DST: variants seen among roughly 807,000 people sequenced by gnomAD.
The protein encoded by DST is dystonin, also known as bullous pemphigoid antigen.
A neutral mutation model predicts 875.2 loss-of-function variants in DST; 253 were observed. The observed-to-expected ratio is 0.29, with a 90% CI of 0.26 to 0.32. The LOEUF is 0.32. Ranked by LOEUF, DST falls within the 10% of genes least tolerant of loss-of-function variation. The pLI, the probability that DST is intolerant of heterozygous loss-of-function variation, is 1.00. For synonymous variants in DST, 3,124 were observed against 3,197.1 expected, an observed-to-expected ratio of 0.98 and a Z score of 0.77; for missense variants, 8,287 against 9,111.6, an observed-to-expected ratio of 0.91 and a Z score of 3.68.
intron 2 of DST, among the ~76,000 whole-genome samples, chr6:56,944,497 G>A (rs1216235987): frequency 6.6e-6 from 1 of 152,058 alleles, no homozygotes; most frequent in Non-Finnish European, 1.5e-5. Flanking sequence ...TGTTGGAGGT[G>A]TATGAGAAAA....
At chr6:56,661,897 A>C (rs1188355960) in intron 10 of DST, among the ~76,000 whole-genome samples, 1 of 151,790 alleles carries the variant, frequency 6.6e-6, no homozygotes, top group East Asian at 1.9e-4. Context: ...CGACCCTCTA[A>C]CTTTTTAAAT....
intron 3 of DST, among the ~76,000 whole-genome samples, chr6:56,887,470 A>T (rs997371572): frequency 6.6e-6 from 1 of 152,188 alleles, no homozygotes; most frequent in Admixed American, 6.5e-5. Flanking sequence ...ATCTTACCAG[A>T]GCAATTTAAG....
At chr6:56,747,089 C>T (rs1272063619) in intron 4 of DST, among the ~76,000 whole-genome samples, 1 of 152,128 alleles carries the variant, frequency 6.6e-6, no homozygotes, top group Non-Finnish European at 1.5e-5. Context: ...GAATCAGTTA[C>T]TGAGAATATA....
chr6:56,839,494 A>G (rs2099797436), intron 4 of DST, among the ~76,000 whole-genome samples: 1 of 152,234 alleles, frequency 6.6e-6, no homozygotes, highest in Non-Finnish European at 1.5e-5. Context: ...CATTTATTAT[A>G]TAACTATTAA....
Position 56,532,401 on chromosome 6 carries a change from T to C in DST, c.17051A>G (p.Lys5684Arg). The C allele has an allele frequency of 6.2e-7, 1 of 1,613,750 alleles. No individual in the cohort carries two copies. Among genetic ancestry groups the C allele is most frequent in the Non-Finnish European group, 8.5e-7 (1 of 1,179,728 alleles). Residue 5684 changes from lysine (K) to arginine (R), a missense_variant, in exon 64 of 104, where the codon AAA becomes AGA. Lys to Arg is a conservative substitution (Grantham distance 26). Around this residue, in one of 10 missense-constraint regions of DST, gnomAD observed 777 missense variants for 764.8 expected, o/e 1.02. Transcript: ENST00000680361. Reference protein sequence around the residue: ...AEPADKVKILKQLSLLDSRWE... With the variant: ...AEPADKVKILRQLSLLDSRWE... ...TCTGCTATCCAAGAGACTGAGCTGT[T>C]TCAAAATCTTCACTTTATCTGCGGG...
At position 56,458,033 on chromosome 6, in the gene DST, C is replaced by A. The variant is rs1470275469; in HGVS notation, c.*972G>T. On this transcript the variant is annotated 3_prime_UTR_variant, in exon 104 of 104. Coordinates refer to ENST00000680361, the MANE Select transcript of DST (RefSeq NM_001374736.1). The stretch of plus-strand genomic sequence containing the variant: ...TGTTTTATTAAATGCATACTAATAT[C>A]TTTCTATAGTATGTGAGTACACATA... 2 of 152,252 alleles carry A rather than the reference C, an allele frequency of 1.3e-5. No individual in the cohort carries two copies. The highest frequency in any genetic ancestry group is 2.9e-5 in the Non-Finnish European group (2 of 67,966). The allele number at this position is 152,252 out of a possible 1,614,324, so 9.4% of individuals were successfully genotyped here. A position where few individuals can be genotyped will look rare whatever the true frequency, so the allele number is the denominator to read the frequency against.
chr6:56,595,779 AC>A (rs559086079), intron 47 of DST, among the ~76,000 whole-genome samples: 1 of 144,526 alleles, frequency 6.9e-6, no homozygotes, highest in Non-Finnish European at 1.5e-5. Flanking sequence ...TTCATATGCT[AC>A]CCCCACCCCA....
intron 3 of DST, among the ~76,000 whole-genome samples, chr6:56,896,528 G>T (rs1188325540): frequency 6.6e-6 from 1 of 152,150 alleles, no homozygotes; most frequent in Non-Finnish European, 1.5e-5. Context: ...TTTATCAGCA[G>T]CATGAAAACA....
intron 9 of DST, among the ~76,000 whole-genome samples, chr6:56,689,171 G>T (rs62412526): frequency 0.19 from 29,301 of 152,064 alleles, 3,085 homozygotes; most frequent in Non-Finnish European, 0.22. Flanking sequence ...AATGTAGTTG[G>T]GGAGTGCTTG....
chr6:56,906,572 T>G (rs948007406), intron 2 of DST, among the ~76,000 whole-genome samples: 8 of 152,260 alleles, frequency 5.3e-5, no homozygotes, highest in African/African-American at 1.9e-4. Flanking sequence ...AGGCCCGCTA[T>G]GTAGACGTCA....
In DST at chr6:56,936,786, AAAC is replaced by A. The variant is rs919928541; in HGVS notation, c.216+16996_216+16998del. On this transcript the variant is annotated intron_variant, in intron 2 of 103. Transcript: ENST00000680361. ...TAAAAAGAGCAGAAGAGAATACCAG[AAAC>A]AACTTTAGGCCAACAAACTAGATAA... Among the ~76,000 whole-genome samples, 51 of 152,308 alleles carry A rather than the reference AAAC, an allele frequency of 3.3e-4. No homozygotes were observed. In the Middle Eastern group the frequency reaches 0.014, roughly 41 times the overall value.
chr6:56,573,639 T>A lies in DST; in HGVS notation c.13236+40A>T, dbSNP rs188449988. 25 of 1,523,142 alleles carry A rather than the reference T, an allele frequency of 1.6e-5. No homozygotes were observed. In the Admixed American group the frequency reaches 2.1e-4, roughly 13 times the overall value. The allele number at this position is 1,523,142 out of a possible 1,614,324, so 94.4% of individuals were successfully genotyped here. Reference sequence around the variant, plus strand: ...CTTTGAGCTTATAAAACTGTTTTTTTAAAAAACTGAAAATGGGACTTTTTT... The same window carrying A: ...CTTTGAGCTTATAAAACTGTTTTTTAAAAAAACTGAAAATGGGACTTTTTT... On this transcript the variant is annotated intron_variant, in intron 51 of 103. Coordinates refer to ENST00000680361, the MANE Select transcript of DST (RefSeq NM_001374736.1).
chr6:56,913,480 G>T (rs533377568), intron 2 of DST, among the ~76,000 whole-genome samples: 1 of 152,170 alleles, frequency 6.6e-6, no homozygotes, highest in African/African-American at 2.4e-5. Context: ...TTGGAACACA[G>T]CCATGTCCAT....
chr6:56,562,117 C>T, intron 56 of DST, 21 bp downstream of exon 56: 3 of 1,462,226 alleles, frequency 2.1e-6, no homozygotes, highest in Non-Finnish European at 2.8e-6. Context: ...TAATCAGTAA[C>T]AAATTAAAAT....
chr6:56,614,859 G>T, intron 36 of DST: 2 of 993,758 alleles, frequency 2.0e-6, no homozygotes, highest in South Asian at 9.2e-5. Context: ...AAGGCTGATA[G>T]AATAGAGAAC....
In DST at chr6:56,606,091, T is replaced by C. The variant is rs1250836287; in HGVS notation, c.8537A>G (p.Glu2846Gly). Residue 2846 changes from glutamate to glycine, a missense_variant, in exon 40 of 104, where the codon GAA becomes GGA. Transcript: ENST00000680361. ...DIQLCASILN[E>G]NSDENENINT... is the part of the protein sequence containing the mutation. ...AATATTTTCATTTTCATCACTGTTT[T>C]CATTTAAAATAGAGGCACACAACTG... The C allele has an allele frequency of 6.2e-7, 1 of 1,612,970 alleles. No homozygotes were observed. The highest frequency in any genetic ancestry group is 1.7e-5 in the Admixed American group (1 of 59,856).
intron 55 of DST, among the ~76,000 whole-genome samples, chr6:56,566,081 T>G (rs6920543): frequency 0.38 from 58,068 of 152,018 alleles, 11,461 homozygotes; most frequent in Admixed American, 0.44. Context: ...GACTGCAGAC[T>G]GCTGTGCTGG....
chr6:56,607,260 G>A lies in DST; in HGVS notation c.7368C>T (p.Thr2456=). Residue 2456 remains threonine (T), a synonymous_variant, in exon 40 of 104, where the codon ACC becomes ACT. Transcript: ENST00000680361. ...CACACTTATTTCCATTGCTCTCTGGGGTGTGTGTATCATTAAAACTTCCCT... is the reference window on the plus strand; with the variant it reads ...CACACTTATTTCCATTGCTCTCTGGAGTGTGTGTATCATTAAAACTTCCCT... ...HSQGSFNDTH[T]PESNGNKCEA... is the part of the protein sequence containing the mutation. The A allele has an allele frequency of 1.2e-6, 2 of 1,613,260 alleles. No individual in the cohort carries two copies. Among genetic ancestry groups the A allele is most frequent in the Non-Finnish European group, 1.7e-6 (2 of 1,179,576 alleles).
Position 56,843,523 on chromosome 6 carries a change from C to G in DST, c.625+7874G>C, listed in dbSNP as rs980739888. On this transcript the variant is annotated intron_variant, in intron 4 of 103. Coordinates refer to ENST00000680361, the MANE Select transcript of DST (RefSeq NM_001374736.1). Reference sequence around the variant, plus strand: ...GGCCGGCGGGCGCCCGGACCCTCTGCGGCCGCGCTGACCGCTCTGCTGGCC... The same window carrying G: ...GGCCGGCGGGCGCCCGGACCCTCTGGGGCCGCGCTGACCGCTCTGCTGGCC... The G allele has an allele frequency of 5.1e-6, 5 of 984,604 alleles. No individual in the cohort carries two copies. In the African/African-American group the frequency reaches 8.8e-5, roughly 17 times the overall value. 61.0% of individuals were successfully genotyped at this position (984,604 alleles called of 1,614,324 possible). A position where few individuals can be genotyped will look rare whatever the true frequency, so the allele number is the denominator to read the frequency against.
Sources: gnomAD v4.1 joint callset for allele counts (sites outside exome capture counted in the v4.1 genomes callset) on GRCh38, gnomAD v4.1.1 for gene constraint, gnomAD v4.1.1 regional missense constraint, MANE v1.5 for transcripts, NCBI Gene and HGNC (gene_info 2026-07-23, HGNC 2026-07-21) for gene names.